The following RASSF5 variants were observed in gnomAD, a reference collection of about 807,000 sequenced individuals.
RASSF5 encodes ras association domain-containing protein 5.
A neutral mutation model predicts 40.5 loss-of-function variants in RASSF5; 25 were observed. The ratio of observed to expected loss-of-function variants is 0.62; its 90% CI spans 0.45 to 0.86. RASSF5 has a LOEUF of 0.86. Ranked by LOEUF, RASSF5 falls within the 40% of genes least tolerant of loss-of-function variation. The pLI is 0.00. For synonymous variants in RASSF5, 246 were observed against 252.4 expected (o/e 0.97, Z 0.24); for missense variants, 521 against 572.8 (o/e 0.91, Z 0.92).
chr1:206,559,356 G>T (rs1442085423), intron 2 of RASSF5, among the ~76,000 whole-genome samples: 1 of 152,172 alleles, frequency 6.6e-6, no homozygotes, highest in African/African-American at 2.4e-5. Context: ...CAAAGATGGG[G>T]TTTCTTTTAC....
intron 2 of RASSF5, among the ~76,000 whole-genome samples, chr1:206,582,177 G>A (rs7526087): frequency 2.6e-5 from 4 of 152,184 alleles, no homozygotes; most frequent in African/African-American, 9.7e-5. Flanking sequence ...TTGAGAGAGA[G>A]CCAGAGAACT....
chr1:206,542,866 C>A (rs1476145454), intron 2 of RASSF5: 1 of 152,126 alleles, frequency 6.6e-6, no homozygotes, highest in Non-Finnish European at 1.5e-5. Context: ...CTTATAATTT[C>A]TTTTAATATG....
chr1:206,548,259 CAT>C (rs1465261750), intron 2 of RASSF5, among the ~76,000 whole-genome samples: 5 of 152,148 alleles, frequency 3.3e-5, no homozygotes, highest in Non-Finnish European at 7.3e-5. Flanking sequence ...GAGTTTGACT[CAT>C]GGTTCTGCAG....
intron 1 of RASSF5, among the ~76,000 whole-genome samples, chr1:206,533,713 C>G (rs1282106605): frequency 6.6e-6 from 1 of 151,926 alleles, no homozygotes; most frequent in Non-Finnish European, 1.5e-5. Context: ...TATGGTCATG[C>G]CACTGTACTC....
At chr1:206,536,603 C>T (rs1471670144) in intron 1 of RASSF5, among the ~76,000 whole-genome samples, 8 of 152,116 alleles carry the variant, frequency 5.3e-5, no homozygotes, top group Non-Finnish European at 1.2e-4. Flanking sequence ...AGCCATCACC[C>T]CTCTGCCAAG....
intron 2 of RASSF5, among the ~76,000 whole-genome samples, chr1:206,562,490 A>G (rs1668170949): frequency 6.6e-6 from 1 of 152,196 alleles, no homozygotes; most frequent in African/African-American, 2.4e-5. Context: ...CACAGCCTCC[A>G]GATAGCCTCA....
rs549152926 is a variant in RASSF5 at position 206,546,944 on chromosome 1, C to T, written c.579+8651C>T. The stretch of plus-strand genomic sequence containing the variant: ...TACATCTTTAGCTCATCACAGTCTA[C>T]CTGTCAAATGATACTATGCCATGTC... On this transcript the variant is annotated intron_variant, in intron 2 of 5. Coordinates refer to ENST00000579436, the MANE Select transcript of RASSF5 (RefSeq NM_182663.4). 2.1e-4 allele frequency among the ~76,000 whole-genome samples: 32 copies of T among 152,248 alleles called. 1 individual carries two copies. The East Asian group carries it at 5.6e-3, about 27-fold the overall frequency.
chr1:206,553,581 G>A (rs1409661885), intron 2 of RASSF5, among the ~76,000 whole-genome samples: 1 of 152,210 alleles, frequency 6.6e-6, no homozygotes, highest in Non-Finnish European at 1.5e-5. Flanking sequence ...TGGGTACTCA[G>A]TGAGCTGTTA....
chr1:206,526,910 T>A (rs782704834), intron 1 of RASSF5, among the ~76,000 whole-genome samples: 1 of 152,204 alleles, frequency 6.6e-6, no homozygotes, highest in Non-Finnish European at 1.5e-5. Flanking sequence ...ACCTACCATA[T>A]GCCAGGTGCC....
rs984436620 is a variant in RASSF5, at chr1:206,587,244, C to T, written c.*266C>T. On this transcript the variant is annotated 3_prime_UTR_variant, in exon 6 of 6. Coordinates refer to ENST00000579436, the MANE Select transcript of RASSF5 (RefSeq NM_182663.4). ...ACAGCTGACGTCCTCTCTCGATCTGCAAGCCTTTCACCAACCAAATAGTTG... is the reference window on the plus strand; with the variant it reads ...ACAGCTGACGTCCTCTCTCGATCTGTAAGCCTTTCACCAACCAAATAGTTG... The T allele has an allele frequency of 1.4e-5, 6 of 420,822 alleles. No homozygotes were observed. The highest frequency in any genetic ancestry group is 4.1e-5 in the African/African-American group (2 of 49,178). The allele number at this position is 420,822 out of a possible 1,614,324, so 26.1% of individuals were successfully genotyped here.
At chr1:206,548,502 G>A (rs6675114) in intron 2 of RASSF5, among the ~76,000 whole-genome samples, 76,914 of 151,890 alleles carry the variant, frequency 0.51, 20,090 homozygotes, top group East Asian at 0.74. Context: ...GGGATCTGCC[G>A]CCTCAACCTA....
At position 206,587,932 on chromosome 1, in the gene RASSF5, C is replaced by A; in HGVS notation, c.*954C>A. 6.5e-6 allele frequency: 1 copy of A among 153,106 alleles called. No individual in the cohort carries two copies. The highest frequency in any genetic ancestry group is 1.5e-5 in the Non-Finnish European group (1 of 68,174). 9.5% of individuals were successfully genotyped at this position (153,106 alleles called of 1,614,324 possible). A position where few individuals can be genotyped will look rare whatever the true frequency, so the allele number is the denominator to read the frequency against. ...GGAGGGCCTGGGCTACTTGGGTTCC[C>A]CATCGGCCTCCAGCACTGCCTCCCT... On this transcript the variant is annotated 3_prime_UTR_variant, in exon 6 of 6. Transcript: ENST00000579436.
In RASSF5 at chr1:206,560,386, T is replaced by A. The variant is rs573719790; in HGVS notation, c.579+22093T>A. 3.7e-4 allele frequency among the ~76,000 whole-genome samples: 56 copies of A among 152,230 alleles called. No individual in the cohort carries two copies. The East Asian group carries it at 0.01, about 27-fold the overall frequency. ...AGAGGTCGGAGGGGTGGGAAAGGTC[T>A]CCCCATTTCATAGGAAGGGGGTGCC... On this transcript the variant is annotated intron_variant, in intron 2 of 5. Transcript: ENST00000579436. This position sits in a 1 kb window ranked among gnomAD's most constrained non-coding sequence, Gnocchi z 5.1.
At chr1:206,545,176 G>A (rs1410063424) in intron 2 of RASSF5, among the ~76,000 whole-genome samples, 1 of 152,084 alleles carries the variant, frequency 6.6e-6, no homozygotes, top group Admixed American at 6.5e-5. Flanking sequence ...AACAGTAGCT[G>A]ACATTTTTTG....
intron 2 of RASSF5, chr1:206,557,259 G>T: frequency 4.4e-6 from 5 of 1,135,864 alleles, no homozygotes; most frequent in Non-Finnish European, 5.4e-6. Context: ...CGCTGGCGCC[G>T]GGGACACGAA....
intron 2 of RASSF5, among the ~76,000 whole-genome samples, chr1:206,577,683 C>G (rs782464389): frequency 7.2e-5 from 11 of 152,226 alleles, no homozygotes; most frequent in Non-Finnish European, 1.5e-4. Flanking sequence ...GTGGGTGCTT[C>G]TCTCACAGAA....
In RASSF5 at chr1:206,584,022, C is replaced by T. The variant is rs925956536; in HGVS notation, c.691-365C>T. 1.3e-5 allele frequency among the ~76,000 whole-genome samples: 2 copies of T among 152,174 alleles called. No individual in the cohort carries two copies. The stretch of plus-strand genomic sequence containing the variant: ...TTCTCCAAGGCCCTCATTATAGAGC[C>T]TTCCTGCTTCCTGCCTGGTTCAGAG... On this transcript the variant is annotated intron_variant, in intron 3 of 5. Coordinates refer to ENST00000579436, the MANE Select transcript of RASSF5 (RefSeq NM_182663.4). The surrounding 1 kb of genome is among the most constrained non-coding windows in gnomAD (Gnocchi z 4.9).
Position 206,584,796 on chromosome 1 carries a change from C to T in RASSF5, c.988+112C>T, listed in dbSNP as rs1338827502. ...GGAGCTGTGGGCTTCTCCTGAGCAC[C>T]AGGGGTCCAGCTGCCCATGTGGTGT... On this transcript the variant is annotated intron_variant, in intron 4 of 5. Coordinates refer to ENST00000579436, the MANE Select transcript of RASSF5 (RefSeq NM_182663.4). The surrounding 1 kb of genome is among the most constrained non-coding windows in gnomAD (Gnocchi z 4.9). 5 of 1,146,028 alleles carry T rather than the reference C, an allele frequency of 4.4e-6. No homozygotes were observed. Among genetic ancestry groups the T allele is most frequent in the African/African-American group, 1.5e-5 (1 of 64,908 alleles). 71.0% of individuals were successfully genotyped at this position (1,146,028 alleles called of 1,614,324 possible).
chr1:206,513,036 T>G lies in RASSF5; in HGVS notation c.457+4977T>G, dbSNP rs782675612. Among the ~76,000 whole-genome samples the G allele has an allele frequency of 6.6e-6, 1 of 152,206 alleles. No homozygotes were observed. The highest frequency in any genetic ancestry group is 1.5e-5 in the Non-Finnish European group (1 of 68,038). ...AAAGTTAGAACCTCTCGGGCGGGCCTCATTCTGACAGGTCTTCAAGGCTTT... is the reference window on the plus strand; with the variant it reads ...AAAGTTAGAACCTCTCGGGCGGGCCGCATTCTGACAGGTCTTCAAGGCTTT... On this transcript the variant is annotated intron_variant, in intron 1 of 5. Transcript: ENST00000579436. The surrounding 1 kb of genome is among the most constrained non-coding windows in gnomAD (Gnocchi z 5.0).
Sources: gnomAD v4.1 joint callset for allele counts (sites outside exome capture counted in the v4.1 genomes callset) on GRCh38, gnomAD v4.1.1 for gene constraint, Gnocchi (gnomAD v3.1) non-coding constraint, MANE v1.5 for transcripts, NCBI Gene and HGNC (gene_info 2026-07-23, HGNC 2026-07-21) for gene names.